Variants in GFI1B observed in about 807,000 individuals in gnomAD.
The protein encoded by GFI1B is zinc finger protein Gfi-1b.
Under a neutral mutation model 35.3 loss-of-function variants are expected in GFI1B, and 20 were observed. That is an observed-to-expected ratio of 0.57 (90% CI 0.40 to 0.82). The LOEUF is 0.82. Among genes scored for constraint, GFI1B ranks in the 40% least tolerant of loss-of-function variants. GFI1B has a pLI of 0.00. For synonymous variants in GFI1B, 178 were observed against 177.6 expected (o/e 1.00, Z -0.02); for missense variants, 430 against 446.3 (o/e 0.96, Z 0.33).
At chr9:132,972,607 T>C (rs1270486082) in intron 1 of GFI1B, 1 of 152,236 alleles carries the variant, frequency 6.6e-6, no homozygotes, top group African/African-American at 2.4e-5. Flanking sequence ...AAATAGTTAA[T>C]GGGGATGGGA....
chr9:132,954,721 CA>C (rs1848257436), intron 1 of GFI1B, among the ~76,000 whole-genome samples: 2 of 151,114 alleles, frequency 1.3e-5, no homozygotes, highest in African/African-American at 4.9e-5. Flanking sequence ...CACATCTGGC[CA>C]ATTTTTTTTT....
At position 132,989,136 on chromosome 9, in the gene GFI1B, A is replaced by T. The variant is rs754483976; in HGVS notation, c.586A>T (p.Ile196Phe). ...TGGGACCCGGCCCTTCGCCTGTGAC[A>T]TCTGCGGCAAAACCTTCGGCCACGC... The part of the protein sequence containing the change: ...HSGTRPFACD[I>F]CGKTFGHAVS... Residue 196 changes from isoleucine to phenylalanine, a missense_variant, in exon 5 of 7, where the codon ATC becomes TTC. Ile to Phe is a conservative substitution (Grantham distance 21, BLOSUM62 0). Transcript: ENST00000372122. This position sits in a 1 kb window ranked among gnomAD's most constrained non-coding sequence, Gnocchi z 6.2. 1.9e-6 allele frequency: 3 copies of T among 1,613,888 alleles called. No individual in the cohort carries two copies. The highest frequency in any genetic ancestry group is 1.1e-5 in the South Asian group (1 of 91,080).
chr9:132,986,633 A>G (rs1849072510), intron 1 of GFI1B, 26 bp from the exon 2 acceptor site: 2 of 1,201,112 alleles, frequency 1.7e-6, no homozygotes, highest in African/African-American at 3.0e-5. Context: ...GTCCTTCCTA[A>G]CCGCTCCCAT....
chr9:132,980,892 AC>A (rs1848800924), intron 1 of GFI1B, among the ~76,000 whole-genome samples: 1 of 138,604 alleles, frequency 7.2e-6, no homozygotes, highest in Admixed American at 7.4e-5. Flanking sequence ...TGTCTAGACC[AC>A]ATTTTGTTTG....
At chr9:132,949,204 C>G (rs1234365483) in intron 1 of GFI1B, among the ~76,000 whole-genome samples, 1 of 151,868 alleles carries the variant, frequency 6.6e-6, no homozygotes, top group African/African-American at 2.4e-5. Context: ...ACTGCTACAG[C>G]CCCTTCTTAG....
chr9:132,963,216 T>C (rs1031121656), intron 1 of GFI1B, among the ~76,000 whole-genome samples: 6 of 151,814 alleles, frequency 4.0e-5, no homozygotes, highest in Non-Finnish European at 5.9e-5. Context: ...GCGTGGTGGC[T>C]CATGCCTGTA....
In GFI1B at chr9:132,991,334, G is replaced by A. The variant is rs1849286964; in HGVS notation, c.*284G>A. 3 of 487,054 alleles carry A rather than the reference G, an allele frequency of 6.2e-6. No homozygotes were observed. The highest frequency in any genetic ancestry group is 1.1e-5 in the Non-Finnish European group (3 of 264,954). The allele number at this position is 487,054 out of a possible 1,614,324, so 30.2% of individuals were successfully genotyped here. A position where few individuals can be genotyped will look rare whatever the true frequency, so the allele number is the denominator to read the frequency against. ...GCCTTCCTCTAGCAGAGCACAGAAA[G>A]CTAGAATACCCCCAGGGAGACAGGG... On this transcript the variant is annotated 3_prime_UTR_variant, in exon 7 of 7. Transcript: ENST00000372122.
chr9:132,984,077 C>T (rs769127028), intron 1 of GFI1B, among the ~76,000 whole-genome samples: 7 of 152,226 alleles, frequency 4.6e-5, no homozygotes, highest in African/African-American at 1.4e-4. Context: ...GAAGCCTTGG[C>T]GAGTACCTTT....
Position 132,980,213 on chromosome 9 carries a change from G to A in GFI1B, c.-21+1372G>A, listed in dbSNP as rs147822079. ...AGACCATTGCCCCGAAGCTTTCAGC[G>A]GGGCAGGGTAGGGTGGGTGGGAATC... On this transcript the variant is annotated intron_variant, in intron 1 of 6. Coordinates refer to ENST00000372122, the MANE Select transcript of GFI1B (RefSeq NM_001377304.1). Among the ~76,000 whole-genome samples, 1,284 of 152,280 alleles carry A rather than the reference G, an allele frequency of 8.4e-3. 18 individuals are homozygous for A. The highest frequency in any genetic ancestry group is 0.029 in the African/African-American group (1,207 of 41,542).
chr9:132,951,533 G>A (rs563881708), intron 1 of GFI1B: 2 of 152,202 alleles, frequency 1.3e-5, no homozygotes, highest in Admixed American at 6.5e-5. Flanking sequence ...CATTGGAAAA[G>A]AGTCATTAAT....
In GFI1B at chr9:132,989,896, A is replaced by T; in HGVS notation, c.803A>T (p.Tyr268Phe). The T allele has an allele frequency of 6.2e-7, 1 of 1,614,172 alleles. No individual in the cohort carries two copies. Among genetic ancestry groups the T allele is most frequent in the Non-Finnish European group, 8.5e-7 (1 of 1,179,970 alleles). Residue 268 changes from tyrosine (Y) to phenylalanine (F), a missense_variant, in exon 6 of 7, where the codon TAC becomes TTC. Tyr to Phe is a conservative substitution (Grantham distance 22). Transcript: ENST00000372122. The surrounding 1 kb of genome is among the most constrained non-coding windows in gnomAD (Gnocchi z 6.2). ...AAGTCCGACATGAAGAAGCACACCT[A>T]CATCCACACAGGTGAGTGAGTCTCA... ...HQKSDMKKHT[Y>F]IHTGEKPHKC...
intron 1 of GFI1B, among the ~76,000 whole-genome samples, chr9:132,979,298 G>T (rs999672656): frequency 7.0e-6 from 1 of 143,850 alleles, no homozygotes; most frequent in Non-Finnish European, 1.5e-5. Context: ...ACTCTGGAGC[G>T]CAGTGGTGCG....
At chr9:132,992,661 C>G (rs769565393), downstream of GFI1B, among the ~76,000 whole-genome samples, 13 of 152,212 alleles carry the variant, frequency 8.5e-5, no homozygotes, top group Admixed American at 4.6e-4. Context: ...CTCCATGAAG[C>G]CTCCCTGGGT....
intron 1 of GFI1B, chr9:132,945,853 A>T (rs1288025262): frequency 6.5e-6 from 1 of 152,740 alleles, no homozygotes; most frequent in African/African-American, 2.4e-5. Flanking sequence ...GGGGCAAAAA[A>T]GTGTTGGGTG....
intron 1 of GFI1B, among the ~76,000 whole-genome samples, chr9:132,980,054 C>A (rs1009790003): frequency 2.6e-5 from 4 of 152,188 alleles, no homozygotes; most frequent in African/African-American, 9.6e-5. Context: ...AGAAGGAATT[C>A]TTTGGACAAG....
Position 132,988,350 on chromosome 9 carries a change from T to TG in GFI1B, c.394dup (p.Glu132GlyfsTer16), listed in dbSNP as rs1564178852. 6.2e-7 allele frequency: 1 copy of TG among 1,614,170 alleles called. No individual in the cohort carries two copies. The highest frequency in any genetic ancestry group is 1.7e-5 in the Admixed American group (1 of 60,028). On this transcript the variant is annotated frameshift_variant, in exon 4 of 7. Transcript: ENST00000372122. LOFTEE classifies it high-confidence loss of function. ...CCCTCCACCATGCAGTCAGCCTTCC[T>TG]GGAGCACTCCGTCAGCCTGTACGGC...
intron 1 of GFI1B, among the ~76,000 whole-genome samples, chr9:132,986,234 T>C (rs936811371): frequency 6.7e-6 from 1 of 148,756 alleles, no homozygotes; most frequent in African/African-American, 2.6e-5. Context: ...CTCTGAGTTC[T>C]GGCGGCTGTC....
chr9:132,990,356 CA>C (rs141870502), intron 6 of GFI1B, among the ~76,000 whole-genome samples: 34 of 149,916 alleles, frequency 2.3e-4, no homozygotes, highest in African/African-American at 8.1e-4. Flanking sequence ...CTCATTTGCT[CA>C]TTCATTTGTT....
intron 1 of GFI1B, among the ~76,000 whole-genome samples, chr9:132,981,230 A>G (rs1388451260): frequency 1.3e-5 from 2 of 152,206 alleles, no homozygotes; most frequent in East Asian, 1.9e-4. Context: ...TTCATCTGCC[A>G]TGAAACCTGG....
Sources: gnomAD v4.1 joint callset for allele counts (sites outside exome capture counted in the v4.1 genomes callset) on GRCh38, gnomAD v4.1.1 for gene constraint, Gnocchi (gnomAD v3.1) non-coding constraint, MANE v1.5 for transcripts, NCBI Gene and HGNC (gene_info 2026-07-23, HGNC 2026-07-21) for gene names.